The following SEMA3E variants were observed in gnomAD, a reference collection of about 807,000 sequenced individuals.
SEMA3E encodes the protein semaphorin-3E.
A neutral mutation model predicts 93.6 loss-of-function variants in SEMA3E; 49 were observed. The observed-to-expected ratio is 0.52, with a 90% CI of 0.42 to 0.66. The LOEUF (loss-of-function observed/expected upper bound fraction) is 0.66. Ranked by LOEUF, SEMA3E falls within the 30% of genes least tolerant of loss-of-function variation. The pLI is 0.00. For missense variants in SEMA3E, 906 were observed against 964.8 expected, an observed-to-expected ratio of 0.94 and a Z score of 0.81; for synonymous variants, 363 against 330.7, an observed-to-expected ratio of 1.10 and a Z score of -1.06.
In SEMA3E at chr7:83,366,582, T is replaced by C. The variant is rs1046628724; in HGVS notation, c.*1004A>G. ...ACTTAAAATTTGGAGCTTTAATAGA[T>C]TTTCAGTGCTGCAAAATCTTCATTT... On this transcript the variant is annotated 3_prime_UTR_variant, in exon 17 of 17. Coordinates refer to ENST00000643230, the MANE Select transcript of SEMA3E (RefSeq NM_012431.3). 6.6e-6 allele frequency: 1 copy of C among 152,080 alleles called. No homozygotes were observed. Among genetic ancestry groups the C allele is most frequent in the African/African-American group, 2.4e-5 (1 of 41,454 alleles). 9.4% of individuals were successfully genotyped at this position (152,080 alleles called of 1,614,324 possible).
chr7:83,407,068 A>G, intron 7 of SEMA3E, 29 bp downstream of exon 7: 1 of 1,612,582 alleles, frequency 6.2e-7, no homozygotes, highest in Non-Finnish European at 8.5e-7. Flanking sequence ...TTGTGAGATA[A>G]GCAAGCATAA....
At chr7:83,518,592 G>A (rs1790982069) in intron 1 of SEMA3E, among the ~76,000 whole-genome samples, 1 of 152,104 alleles carries the variant, frequency 6.6e-6, no homozygotes, top group African/African-American at 2.4e-5. Context: ...GATAGTATTT[G>A]CCTGATAGGA....
At chr7:83,393,039 C>CAAAAA (rs59283673) in intron 13 of SEMA3E, among the ~76,000 whole-genome samples, 84 of 128,830 alleles carry the variant, frequency 6.5e-4, no homozygotes, top group African/African-American at 2.4e-3. Context: ...AACTCCATCT[C>CAAAAA]AAAAAAAAAA....
At position 83,577,528 on chromosome 7, in the gene SEMA3E, G is replaced by A. The variant is rs187507969; in HGVS notation, c.115+70900C>T. ...CAATAGTGCATTTATTTATTTTACA[G>A]GTAGGAGAAATCGTTGTAATATTAT... On this transcript the variant is annotated intron_variant, in intron 1 of 16. Coordinates refer to ENST00000643230, the MANE Select transcript of SEMA3E (RefSeq NM_012431.3). Among the ~76,000 whole-genome samples the A allele has an allele frequency of 4.1e-3, 626 of 152,188 alleles. 17 individuals carry two copies. Among genetic ancestry groups the A allele is most frequent in the Admixed American group, 0.036 (555 of 15,272 alleles).
At chr7:83,570,113 G>A (rs1196283849) in intron 1 of SEMA3E, among the ~76,000 whole-genome samples, 1 of 152,110 alleles carries the variant, frequency 6.6e-6, no homozygotes, top group East Asian at 1.9e-4. Context: ...ATTTACTCCT[G>A]AATAAATCTT....
At chr7:83,583,056 A>T (rs1371272025) in intron 1 of SEMA3E, among the ~76,000 whole-genome samples, 4 of 152,138 alleles carry the variant, frequency 2.6e-5, no homozygotes, top group Non-Finnish European at 4.4e-5. Context: ...TGATAACACT[A>T]AAATTACTTA....
At chr7:83,469,382 C>T (rs1170854802) in intron 2 of SEMA3E, 80 bp from the exon 3 acceptor site, 28 of 847,042 alleles carry the variant, frequency 3.3e-5, no homozygotes, top group Non-Finnish European at 4.7e-5. Context: ...CTTTCTTCTA[C>T]AGTTCAAAAC....
chr7:83,464,566 T>C (rs1280195000), intron 4 of SEMA3E, among the ~76,000 whole-genome samples: 3 of 141,738 alleles, frequency 2.1e-5, no homozygotes, highest in Non-Finnish European at 4.6e-5. Flanking sequence ...GGCAGGACTA[T>C]GCTGAATCTC....
chr7:83,390,083 G>A (rs1162784820), intron 14 of SEMA3E, among the ~76,000 whole-genome samples: 686 of 104,900 alleles, frequency 6.5e-3, no homozygotes, highest in South Asian at 0.011. Flanking sequence ...GTATACGTGT[G>A]CACATATATG....
intron 1 of SEMA3E, among the ~76,000 whole-genome samples, chr7:83,553,167 C>G (rs766190514): frequency 9.2e-5 from 14 of 152,180 alleles, no homozygotes; most frequent in Non-Finnish European, 1.6e-4. Context: ...AAATTCCTCT[C>G]TTTATACTGT....
At chr7:83,506,030 A>ATAT (rs1400692855) in intron 1 of SEMA3E, among the ~76,000 whole-genome samples, 65 of 133,482 alleles carry the variant, frequency 4.9e-4, no homozygotes, top group African/African-American at 1.6e-3. Flanking sequence ...AAAAAAAAAA[A>ATAT]AAATATATAT....
At chr7:83,486,479 G>A (rs1790258671) in intron 2 of SEMA3E, among the ~76,000 whole-genome samples, 1 of 152,082 alleles carries the variant, frequency 6.6e-6, no homozygotes, top group African/African-American at 2.4e-5. Flanking sequence ...CAAGACAGGA[G>A]GAGAGCTGGG....
At chr7:83,576,064 A>T (rs1792395340) in intron 1 of SEMA3E, among the ~76,000 whole-genome samples, 1 of 152,220 alleles carries the variant, frequency 6.6e-6, no homozygotes, top group Non-Finnish European at 1.5e-5. Flanking sequence ...ATGTATTGGC[A>T]TATATACAGA....
chr7:83,608,667 A>T (rs1380825070), intron 1 of SEMA3E, among the ~76,000 whole-genome samples: 2 of 152,118 alleles, frequency 1.3e-5, no homozygotes, highest in African/African-American at 4.8e-5. Context: ...GTGGGTCTAG[A>T]AGCACTATAA....
chr7:83,612,408 T>C (rs1168654089), intron 1 of SEMA3E, among the ~76,000 whole-genome samples: 1 of 152,094 alleles, frequency 6.6e-6, no homozygotes, highest in Non-Finnish European at 1.5e-5. Flanking sequence ...GGCACTGTGA[T>C]AGAAACTTTA....
chr7:83,426,798 T>A, intron 4 of SEMA3E, among the ~76,000 whole-genome samples: 1 of 152,194 alleles, frequency 6.6e-6, no homozygotes, highest in Non-Finnish European at 1.5e-5. Context: ...AGTAAAATCA[T>A]GCTTCTATTT....
At chr7:83,388,926 A>C (rs1787938742) in intron 14 of SEMA3E, among the ~76,000 whole-genome samples, 1 of 151,480 alleles carries the variant, frequency 6.6e-6, no homozygotes, top group African/African-American at 2.4e-5. Context: ...TTAACATATT[A>C]ATAGATATTA....
intron 4 of SEMA3E, among the ~76,000 whole-genome samples, chr7:83,456,498 T>G (rs1347981027): frequency 6.6e-6 from 1 of 152,092 alleles, no homozygotes; most frequent in African/African-American, 2.4e-5. Flanking sequence ...AAAAAATAAA[T>G]AATTTAAGTT....
chr7:83,429,149 C>T (rs932338802), intron 4 of SEMA3E, among the ~76,000 whole-genome samples: 1 of 152,046 alleles, frequency 6.6e-6, no homozygotes, highest in Non-Finnish European at 1.5e-5. Context: ...TTTGTAAGTC[C>T]TTTAATACCA....
Sources: allele counts gnomAD v4.1 joint callset (sites outside exome capture counted in the v4.1 genomes callset), GRCh38; gene constraint gnomAD v4.1.1; transcripts MANE v1.5; gene names NCBI Gene and HGNC (gene_info 2026-07-23, HGNC 2026-07-21).